The following TMEM131L variants were observed in gnomAD, a reference collection of about 807,000 sequenced individuals.
TMEM131L encodes transmembrane protein 131-like.
TMEM131L carries 54 observed loss-of-function variants against 192.2 expected under a neutral mutation model. The observed-to-expected ratio is 0.28, with a 90% confidence interval of 0.23 to 0.35. The LOEUF (loss-of-function observed/expected upper bound fraction) is 0.35, where lower values mean the gene tolerates loss of function less well. TMEM131L is among the 10% of genes least tolerant of loss of function. The pLI, the probability that TMEM131L is intolerant of heterozygous loss-of-function variation, is 1.00. For missense variants in TMEM131L, 1,888 were observed against 1,972.9 expected (o/e 0.96, Z 0.82); for synonymous variants, 701 against 704.9 (o/e 0.99, Z 0.09).
chr4:153,549,506 T>C (rs1419722927), intron 3 of TMEM131L, among the ~76,000 whole-genome samples: 1 of 152,240 alleles, frequency 6.6e-6, no homozygotes, highest in African/African-American at 2.4e-5. Flanking sequence ...TGTTTTGATA[T>C]GTTTTTCTGC....
intron 2 of TMEM131L, among the ~76,000 whole-genome samples, chr4:153,469,883 G>A (rs946857362): frequency 2.6e-5 from 4 of 152,156 alleles, no homozygotes; most frequent in East Asian, 3.9e-4. Flanking sequence ...CTGAGATCGC[G>A]CTGAAGCACT....
chr4:153,530,093 G>A (rs1343639550), intron 3 of TMEM131L, among the ~76,000 whole-genome samples: 1 of 151,326 alleles, frequency 6.6e-6, no homozygotes, highest in Non-Finnish European at 1.5e-5. Context: ...TTGTAGTCAG[G>A]GTCTGTGTTT....
chr4:153,582,420 G>GTTTTTTTGTTTT (rs1730402406), intron 9 of TMEM131L, among the ~76,000 whole-genome samples: 1 of 81,834 alleles, frequency 1.2e-5, no homozygotes, highest in African/African-American at 5.5e-5. Flanking sequence ...AATTTAAACC[G>GTTTTTTTGTTTT]TTTTTTTTTG....
rs1197321035 is a variant in TMEM131L, at chr4:153,598,806, CTAAATTTTAAATTCTAAAATTT to C, written c.2266+83_2266+104del. The C allele has an allele frequency of 9.8e-6, 12 of 1,221,094 alleles. No homozygotes were observed. In the African/African-American group the frequency reaches 1.7e-4, roughly 18 times the overall value. 75.6% of individuals were successfully genotyped at this position (1,221,094 alleles called of 1,614,324 possible). A position where few individuals can be genotyped will look rare whatever the true frequency, so the allele number is the denominator to read the frequency against. ...TGAGAGTGAAAGGATTCTATAAATT[CTAAATTTTAAATTCTAAAATTT>C]TAAATTTTTAAATTCTAAAAATTTA... On this transcript the variant is annotated intron_variant, in intron 21 of 34. Transcript: ENST00000409959.
At chr4:153,625,390 A>C (rs1205164204) in intron 29 of TMEM131L, among the ~76,000 whole-genome samples, 2 of 151,986 alleles carry the variant, frequency 1.3e-5, no homozygotes, top group Non-Finnish European at 2.9e-5. Flanking sequence ...CTCTGTCTCG[A>C]CAAAAAAAAA....
chr4:153,525,767 G>A (rs548543383), intron 3 of TMEM131L, among the ~76,000 whole-genome samples: 12 of 152,174 alleles, frequency 7.9e-5, no homozygotes, highest in South Asian at 4.1e-4. Flanking sequence ...ATATTAAGGC[G>A]CACAGGAATC....
At chr4:153,619,573 C>T (rs748804433) in intron 26 of TMEM131L, among the ~76,000 whole-genome samples, 1 of 152,264 alleles carries the variant, frequency 6.6e-6, no homozygotes, top group Non-Finnish European at 1.5e-5. Flanking sequence ...ACTGCCTACG[C>T]AGTTACAAAT....
chr4:153,619,517 G>C (rs1342068701), intron 26 of TMEM131L, among the ~76,000 whole-genome samples: 1 of 152,152 alleles, frequency 6.6e-6, no homozygotes, highest in African/African-American at 2.4e-5. Flanking sequence ...TACTTATTGG[G>C]GGAAACAAAG....
At chr4:153,634,748 A>G (rs745544480) in intron 33 of TMEM131L, among the ~76,000 whole-genome samples, 6 of 152,234 alleles carry the variant, frequency 3.9e-5, no homozygotes, top group Non-Finnish European at 8.8e-5. Context: ...GAAATTGTGG[A>G]AAATTGCAGA....
At chr4:153,634,815 G>A (rs1734459814) in intron 33 of TMEM131L, among the ~76,000 whole-genome samples, 3 of 152,188 alleles carry the variant, frequency 2.0e-5, no homozygotes, top group Non-Finnish European at 4.4e-5. Context: ...GATATCCCTG[G>A]TCAACTGGAA....
In TMEM131L at chr4:153,611,626, T is replaced by C. The variant is rs149071310; in HGVS notation, c.3419-626T>C. ...AAATCTGCACCCATTACATAATAAA[T>C]ACCCATTATCTCCTTTCCCCAGCCC... On this transcript the variant is annotated intron_variant, in intron 25 of 34. Coordinates refer to ENST00000409959, the MANE Select transcript of TMEM131L (RefSeq NM_001131007.2). Among the ~76,000 whole-genome samples the C allele has an allele frequency of 2.3e-3, 349 of 152,298 alleles. 5 individuals are homozygous for C. The highest frequency in any genetic ancestry group is 7.6e-3 in the African/African-American group (316 of 41,564).
intron 32 of TMEM131L, chr4:153,633,272 A>G (rs1435811852): frequency 6.3e-6 from 1 of 159,766 alleles, no homozygotes; most frequent in African/African-American, 2.4e-5. Context: ...GCTGGAGCGC[A>G]GTGGTGCAAT....
At chr4:153,557,245 T>A (rs2150476005) in intron 6 of TMEM131L, among the ~76,000 whole-genome samples, 163 bp downstream of exon 6, 1 of 152,350 alleles carries the variant, frequency 6.6e-6, no homozygotes, top group Middle Eastern at 3.4e-3. Context: ...CACCCTTTTC[T>A]GCCTGACATG....
At chr4:153,472,251 A>C (rs980082540) in intron 2 of TMEM131L, among the ~76,000 whole-genome samples, 1 of 152,204 alleles carries the variant, frequency 6.6e-6, no homozygotes, top group Non-Finnish European at 1.5e-5. Flanking sequence ...TAGGAGAGTA[A>C]GTGTTTAACT....
At chr4:153,522,229 C>A (rs929107523) in intron 3 of TMEM131L, among the ~76,000 whole-genome samples, 1 of 152,238 alleles carries the variant, frequency 6.6e-6, no homozygotes, top group African/African-American at 2.4e-5. Context: ...TGAAATGGGA[C>A]GTTCTCACCT....
intron 7 of TMEM131L, among the ~76,000 whole-genome samples, chr4:153,564,612 A>C (rs1729074802): frequency 6.6e-6 from 1 of 152,116 alleles, no homozygotes; most frequent in Non-Finnish European, 1.5e-5. Context: ...GAGAATTCCT[A>C]GTGATGAAAG....
chr4:153,498,343 G>T (rs934872466), intron 3 of TMEM131L, among the ~76,000 whole-genome samples: 1 of 152,192 alleles, frequency 6.6e-6, no homozygotes, highest in Non-Finnish European at 1.5e-5. Flanking sequence ...AGGGTTTACA[G>T]CAGCAGAGCC....
intron 3 of TMEM131L, among the ~76,000 whole-genome samples, chr4:153,535,922 CTT>C (rs907085065): frequency 6.6e-6 from 1 of 152,150 alleles, no homozygotes; most frequent in Non-Finnish European, 1.5e-5. Context: ...AACGGCAGCA[CTT>C]TTTTCATGTT....
At chr4:153,533,007 CAG>C (rs1409097110) in intron 3 of TMEM131L, among the ~76,000 whole-genome samples, 10 of 135,510 alleles carry the variant, frequency 7.4e-5, no homozygotes, top group Admixed American at 5.3e-4. Context: ...TTTTTTGAGA[CAG>C]AGTTTCGTTC....
Sources: gnomAD v4.1 joint callset for allele counts (sites outside exome capture counted in the v4.1 genomes callset) on GRCh38, gnomAD v4.1.1 for gene constraint, MANE v1.5 for transcripts, NCBI Gene and HGNC (gene_info 2026-07-23, HGNC 2026-07-21) for gene names.